KIAA1217: variants seen among roughly 807,000 people sequenced by gnomAD.
KIAA1217 encodes sickle tail protein homolog.
In KIAA1217, 88 loss-of-function variants were observed where a neutral mutation model predicts 163.9. The ratio of observed to expected loss-of-function variants is 0.54; its 90% CI spans 0.45 to 0.64. The LOEUF (loss-of-function observed/expected upper bound fraction) is 0.64, where lower values mean the gene tolerates loss of function less well. Ranked by LOEUF, KIAA1217 falls within the 30% of genes least tolerant of loss-of-function variation. KIAA1217 has a pLI of 0.00. For missense variants in KIAA1217, 2,372 were observed against 2,475.0 expected (o/e 0.96, Z 0.88); for synonymous variants, 903 against 923.1 (o/e 0.98, Z 0.39).
At chr10:24,221,286 C>G (rs187661204) in intron 2 of KIAA1217, among the ~76,000 whole-genome samples, 1 of 147,416 alleles carries the variant, frequency 6.8e-6, no homozygotes, top group Non-Finnish European at 1.5e-5. Flanking sequence ...ACCTCACTGG[C>G]GAGTTACCAG....
At chr10:24,484,619 G>A (rs1301511719) in intron 6 of KIAA1217, among the ~76,000 whole-genome samples, 1 of 151,972 alleles carries the variant, frequency 6.6e-6, no homozygotes, top group Non-Finnish European at 1.5e-5. Context: ...GAACGCAGTG[G>A]TGCAATCATA....
chr10:23,939,076 T>C (rs1213895738), intron 1 of KIAA1217, among the ~76,000 whole-genome samples: 1 of 152,146 alleles, frequency 6.6e-6, no homozygotes, highest in East Asian at 1.9e-4. Flanking sequence ...CTAAGTTAAA[T>C]ACTGTAAGCC....
intron 6 of KIAA1217, among the ~76,000 whole-genome samples, chr10:24,494,148 C>G (rs1181255900): frequency 6.6e-6 from 1 of 152,156 alleles, no homozygotes. Flanking sequence ...GCCTGGGACA[C>G]TGCGAATGCT....
At chr10:23,817,278 T>C (rs925503091) in intron 1 of KIAA1217, among the ~76,000 whole-genome samples, 2 of 152,218 alleles carry the variant, frequency 1.3e-5, no homozygotes, top group African/African-American at 4.8e-5. Flanking sequence ...GGATGATATA[T>C]ACAAATGACT....
At chr10:24,003,307 C>T (rs910959645) in intron 1 of KIAA1217, among the ~76,000 whole-genome samples, 2 of 152,168 alleles carry the variant, frequency 1.3e-5, no homozygotes, top group Non-Finnish European at 2.9e-5. Context: ...ACGACATCCA[C>T]GCCAACATCT....
chr10:24,540,866 T>G (rs2074938875), intron 17 of KIAA1217, among the ~76,000 whole-genome samples: 1 of 152,236 alleles, frequency 6.6e-6, no homozygotes, highest in East Asian at 1.9e-4. Flanking sequence ...CCTCCCAGGT[T>G]CAAGCGATTC....
intron 1 of KIAA1217, among the ~76,000 whole-genome samples, chr10:23,994,621 T>C (rs1014612493): frequency 4.6e-5 from 7 of 152,194 alleles, no homozygotes; most frequent in Non-Finnish European, 8.8e-5. Flanking sequence ...CTAAGGTTGA[T>C]GGAAGGTTTC....
chr10:24,343,656 C>G (rs2047374204), intron 2 of KIAA1217, among the ~76,000 whole-genome samples: 1 of 152,170 alleles, frequency 6.6e-6, no homozygotes, highest in African/African-American at 2.4e-5. Context: ...AAAGAACTTC[C>G]CTGTCCTAAT....
At chr10:24,115,635 C>T (rs10741043) in intron 2 of KIAA1217, among the ~76,000 whole-genome samples, 36,462 of 152,092 alleles carry the variant, frequency 0.24, 6,243 homozygotes, top group African/African-American at 0.49. Flanking sequence ...TCTGCAGTGG[C>T]CCCCAGTGCT....
At chr10:24,188,230 A>T (rs2066535494) in intron 2 of KIAA1217, among the ~76,000 whole-genome samples, 1 of 152,134 alleles carries the variant, frequency 6.6e-6, no homozygotes, top group Non-Finnish European at 1.5e-5. Context: ...CAACACCATA[A>T]TATCTGTGTT....
At chr10:23,829,387 C>T (rs1308279608) in intron 1 of KIAA1217, among the ~76,000 whole-genome samples, 2 of 152,150 alleles carry the variant, frequency 1.3e-5, no homozygotes, top group Non-Finnish European at 2.9e-5. Context: ...CTCTGTTATT[C>T]GTCTTCTCCA....
intron 9 of KIAA1217, among the ~76,000 whole-genome samples, chr10:24,506,164 C>T (rs1021330133): frequency 5.9e-5 from 9 of 152,178 alleles, no homozygotes; most frequent in Admixed American, 2.0e-4. Context: ...CCAGGCATCC[C>T]TTGTCTTGTT....
At chr10:24,281,542 A>G (rs1687877093) in intron 2 of KIAA1217, among the ~76,000 whole-genome samples, 2 of 152,190 alleles carry the variant, frequency 1.3e-5, no homozygotes. Flanking sequence ...ATTGCTTGGT[A>G]AGATCTGTTC....
intron 1 of KIAA1217, among the ~76,000 whole-genome samples, chr10:23,882,292 G>C (rs1312628196): frequency 6.6e-6 from 1 of 151,874 alleles, no homozygotes; most frequent in African/African-American, 2.4e-5. Context: ...GACACCCTCA[G>C]TATCAAAGTA....
chr10:24,524,377 C>T lies in KIAA1217; in HGVS notation c.2511C>T (p.Tyr837=). The T allele has an allele frequency of 6.2e-7, 1 of 1,614,222 alleles. No homozygotes were observed. Among genetic ancestry groups the T allele is most frequent in the East Asian group, 2.2e-5 (1 of 44,874 alleles). ...CGGACGCAGCCCAAGCCGCACAGTA[C>T]ATGGCTATGGAAAAGGCCACAGCCG... ...KGTDAAQAAQ[Y]MAMEKATAAE... is the part of the protein sequence containing the mutation. The change falls in exon 13 of 21, where the codon TAC becomes TAT. Residue 837 remains tyrosine, a synonymous_variant. Coordinates refer to ENST00000376454, the MANE Select transcript of KIAA1217 (RefSeq NM_019590.5).
chr10:23,853,892 G>C (rs1839500790), intron 1 of KIAA1217, among the ~76,000 whole-genome samples: 1 of 151,964 alleles, frequency 6.6e-6, no homozygotes, highest in South Asian at 2.1e-4. Flanking sequence ...GCATCTATTT[G>C]ATTCTTCTCT....
chr10:23,816,313 A>T (rs886673345), intron 1 of KIAA1217, among the ~76,000 whole-genome samples: 2 of 151,484 alleles, frequency 1.3e-5, no homozygotes, highest in African/African-American at 4.9e-5. Context: ...TGTTTGTTTG[A>T]GGCGGAATCT....
rs921019329 is a variant in KIAA1217, at chr10:24,350,485, A to G, written c.355-30384A>G. On this transcript the variant is annotated intron_variant, in intron 2 of 20. Coordinates refer to ENST00000376454, the MANE Select transcript of KIAA1217 (RefSeq NM_019590.5). ...TAGATAACCTCTTTTGCCTGGGTGC[A>G]TTTTGAAAGGTCTTTGTGTTGATTA... Among the ~76,000 whole-genome samples the G allele has an allele frequency of 2.0e-5, 3 of 152,050 alleles. No individual in the cohort carries two copies. The East Asian group carries it at 5.8e-4, about 29-fold the overall frequency.
At chr10:23,803,856 G>A (rs761547498) in intron 1 of KIAA1217, among the ~76,000 whole-genome samples, 3 of 151,816 alleles carry the variant, frequency 2.0e-5, no homozygotes, top group Admixed American at 6.6e-5. Context: ...GATTTTACCT[G>A]GTGGGTTTGT....
Sources: gnomAD v4.1 joint callset for allele counts (sites outside exome capture counted in the v4.1 genomes callset) on GRCh38, gnomAD v4.1.1 for gene constraint, MANE v1.5 for transcripts, NCBI Gene and HGNC (gene_info 2026-07-23, HGNC 2026-07-21) for gene names.